GSE1: variants seen among roughly 807,000 people sequenced by gnomAD.
The protein encoded by GSE1 is Gse1 coiled-coil protein, also known as genetic suppressor element 1.
In GSE1, 32 loss-of-function variants were observed where a neutral mutation model predicts 112.6. The ratio of observed to expected loss-of-function variants is 0.28; its 90% confidence interval spans 0.21 to 0.38. The LOEUF (loss-of-function observed/expected upper bound fraction) is 0.38. Among genes scored for constraint, GSE1 ranks in the 10% least tolerant of loss-of-function variants. GSE1 has a pLI of 1.00. For synonymous variants in GSE1, 1,115 were observed against 735.6 expected, an observed-to-expected ratio of 1.52 and a Z score of -8.35; for missense variants, 2,348 against 1,699.2, an observed-to-expected ratio of 1.38 and a Z score of -6.71.
intron 2 of GSE1, chr16:85,490,679 A>G (rs1227205422): frequency 6.6e-6 from 1 of 152,204 alleles, no homozygotes; most frequent in East Asian, 1.9e-4. Flanking sequence ...CAGGGCGGGA[A>G]CGGAGAGCAC....
At chr16:85,213,088 G>A (rs922965839) in intron 1 of GSE1, among the ~76,000 whole-genome samples, 2 of 152,084 alleles carry the variant, frequency 1.3e-5, no homozygotes, top group African/African-American at 4.8e-5. Context: ...GGCCAACATG[G>A]TGAAACCCCT....
chr16:85,180,379 C>T (rs1482467991), intron 1 of GSE1, among the ~76,000 whole-genome samples: 1 of 152,240 alleles, frequency 6.6e-6, no homozygotes, highest in East Asian at 1.9e-4. Flanking sequence ...ACCGAGGCCA[C>T]GCTATCCTGC....
chr16:85,667,507 C>A (rs561448922), intron 13 of GSE1, among the ~76,000 whole-genome samples: 1 of 152,220 alleles, frequency 6.6e-6, no homozygotes, highest in Non-Finnish European at 1.5e-5. Context: ...AAAACAGCCA[C>A]GCCTTGTGAG....
chr16:85,598,910 T>C (rs902232716), intron 1 of GSE1, among the ~76,000 whole-genome samples: 2 of 152,230 alleles, frequency 1.3e-5, no homozygotes, highest in African/African-American at 2.4e-5. Context: ...CAGGCGGTGA[T>C]TGGAGCATCG....
Position 85,471,382 on chromosome 16 carries a change from A to G in GSE1, c.2464+113739A>G, listed in dbSNP as rs564848803. Among the ~76,000 whole-genome samples the G allele has an allele frequency of 6.6e-5, 10 of 152,358 alleles. No homozygotes were observed. In the East Asian group the frequency reaches 1.5e-3, roughly 24 times the overall value. On this transcript the variant is annotated intron_variant, in intron 2 of 2. Coordinates refer to the GSE1 transcript ENST00000637419. The stretch of plus-strand genomic sequence containing the variant: ...TTGCATGGTACCATAGGTCAGGCTC[A>G]TAGGCCTTTCAGCCCACATTTATTT...
At chr16:85,205,129 A>G (rs1369523867) in intron 1 of GSE1, among the ~76,000 whole-genome samples, 2 of 151,702 alleles carry the variant, frequency 1.3e-5, no homozygotes, top group Non-Finnish European at 1.5e-5. Flanking sequence ...TTATTTATTT[A>G]TTTATTTTTT....
intron 6 of GSE1, 102 bp downstream of exon 6, chr16:85,656,019 G>T: frequency 2.2e-6 from 2 of 904,514 alleles, no homozygotes; most frequent in Non-Finnish European, 3.3e-6. Context: ...CCTTGGCCAT[G>T]CCTGTCCTCA....
intron 1 of GSE1, among the ~76,000 whole-genome samples, chr16:85,195,716 C>A (rs994796612): frequency 1.3e-5 from 2 of 152,158 alleles, no homozygotes; most frequent in Non-Finnish European, 2.9e-5. Context: ...AACTTAACCA[C>A]GAAGGAGAAG....
At chr16:85,238,744 G>C (rs566119987) in intron 1 of GSE1, among the ~76,000 whole-genome samples, 2 of 152,190 alleles carry the variant, frequency 1.3e-5, no homozygotes, top group African/African-American at 4.8e-5. Flanking sequence ...CAGGGTGGGG[G>C]ACCCTCAGTC....
chr16:85,521,626 G>A (rs1243368338), intron 2 of GSE1, among the ~76,000 whole-genome samples: 1 of 152,228 alleles, frequency 6.6e-6, no homozygotes, highest in Non-Finnish European at 1.5e-5. Flanking sequence ...TCCTTCCCTT[G>A]CAGTCAGTAA....
chr16:85,281,004 T>G (rs1257227839), intron 1 of GSE1, among the ~76,000 whole-genome samples: 2 of 152,174 alleles, frequency 1.3e-5, no homozygotes, highest in Non-Finnish European at 2.9e-5. Flanking sequence ...GAGCTGCCTC[T>G]GCCGCCCCAT....
At chr16:85,298,278 A>T (rs1237026857) in intron 1 of GSE1, among the ~76,000 whole-genome samples, 3 of 152,066 alleles carry the variant, frequency 2.0e-5, no homozygotes, top group African/African-American at 7.2e-5. Context: ...CCCTGCCCAG[A>T]TGTCTCCAAG....
intron 2 of GSE1, among the ~76,000 whole-genome samples, chr16:85,519,719 TCATCACCATCACCATCACCACCATCAG>T (rs2052111609): frequency 7.2e-6 from 1 of 138,106 alleles, no homozygotes; most frequent in Non-Finnish European, 1.6e-5. Flanking sequence ...ACTGTCATCA[TCATCACCATCACCATCACCACCATCAG>T]CATCACCATC....
chr16:85,232,516 G>A (rs1254334005), intron 1 of GSE1, among the ~76,000 whole-genome samples: 1 of 152,154 alleles, frequency 6.6e-6, no homozygotes, highest in Non-Finnish European at 1.5e-5. Flanking sequence ...TCCTGCTCAG[G>A]GTGTGGTCTC....
intron 2 of GSE1, among the ~76,000 whole-genome samples, chr16:85,481,416 G>A (rs574743697): frequency 2.9e-4 from 44 of 152,298 alleles, no homozygotes; most frequent in Non-Finnish European, 3.8e-4. Context: ...GGTTTTGAGG[G>A]GTGTATAGGA....
chr16:85,481,214 T>A (rs2050672518), intron 2 of GSE1, among the ~76,000 whole-genome samples: 1 of 152,232 alleles, frequency 6.6e-6, no homozygotes, highest in African/African-American at 2.4e-5. Flanking sequence ...GTGTAGCCAC[T>A]CTGTGCCTCA....
intron 1 of GSE1, among the ~76,000 whole-genome samples, chr16:85,320,453 G>GTTT (rs1567685902): frequency 1.8e-4 from 28 of 151,736 alleles, no homozygotes; most frequent in African/African-American, 6.8e-4. Context: ...GTTTTGTTTT[G>GTTT]TTTTGTTTTG....
intron 1 of GSE1, among the ~76,000 whole-genome samples, chr16:85,229,846 A>C (rs2075551696): frequency 6.6e-6 from 1 of 152,214 alleles, no homozygotes; most frequent in South Asian, 2.1e-4. Context: ...TCCAAACATC[A>C]CATTCTCACA....
chr16:85,224,156 C>T (rs1033877181), intron 1 of GSE1, among the ~76,000 whole-genome samples: 1 of 151,800 alleles, frequency 6.6e-6, no homozygotes, highest in African/African-American at 2.4e-5. Context: ...GTGGGAGAGG[C>T]CCTGTCCCAC....
Sources: gnomAD v4.1 joint callset for allele counts (sites outside exome capture counted in the v4.1 genomes callset) on GRCh38, gnomAD v4.1.1 for gene constraint, MANE v1.5 for transcripts, NCBI Gene and HGNC (gene_info 2026-07-23, HGNC 2026-07-21) for gene names.